Variants in PRKCZ observed in about 807,000 individuals in gnomAD.
PRKCZ encodes protein kinase C zeta type.
A neutral mutation model predicts 79.5 loss-of-function variants in PRKCZ; 33 were observed. That is an observed-to-expected ratio of 0.41 (90% CI 0.31 to 0.55). PRKCZ has a LOEUF of 0.55. Among genes scored for constraint, PRKCZ ranks in the 20% least tolerant of loss-of-function variants. The probability of loss-of-function intolerance (pLI) is 0.19; values close to 1 mark genes in which losing one functional copy is unlikely to be tolerated. For synonymous variants in PRKCZ, 342 were observed against 320.9 expected, an observed-to-expected ratio of 1.07 and a Z score of -0.70; for missense variants, 578 against 813.5, an observed-to-expected ratio of 0.71 and a Z score of 3.52.
chr1:2,085,397 C>T (rs1490880094), intron 4 of PRKCZ, among the ~76,000 whole-genome samples: 1 of 152,262 alleles, frequency 6.6e-6, no homozygotes, highest in East Asian at 1.9e-4. Context: ...TTACTGCTCA[C>T]CTGGGTCCGC....
intron 4 of PRKCZ, among the ~76,000 whole-genome samples, chr1:2,101,081 C>T (rs542064537): frequency 6.0e-5 from 9 of 151,102 alleles, no homozygotes; most frequent in South Asian, 4.2e-4. Flanking sequence ...CCCAAGGGAG[C>T]GTCTCCTCTG....
rs1309203349 is a variant in PRKCZ, at chr1:2,165,129, T to C, written c.975-4389T>C. Among the ~76,000 whole-genome samples the C allele has an allele frequency of 1.3e-5, 2 of 152,240 alleles. No individual in the cohort carries two copies. The highest frequency in any genetic ancestry group is 2.9e-5 in the Non-Finnish European group (2 of 68,034). On this transcript the variant is annotated intron_variant, in intron 10 of 17. Transcript: ENST00000378567. The surrounding 1 kb of genome is among the most constrained non-coding windows in gnomAD (Gnocchi z 4.1). ...CGAGGCCTGCCAGCATCCCCACCAG[T>C]AGATTTCTTTGGACGAAGTAAAATC...
At chr1:2,096,355 G>T (rs541003610) in intron 4 of PRKCZ, among the ~76,000 whole-genome samples, 49 of 152,144 alleles carry the variant, frequency 3.2e-4, no homozygotes, top group African/African-American at 1.2e-3. Context: ...AGGCCCAGCC[G>T]CCAGGCAGCT....
At chr1:2,163,184 C>T (rs180951879) in intron 10 of PRKCZ, among the ~76,000 whole-genome samples, 3 of 152,366 alleles carry the variant, frequency 2.0e-5, no homozygotes, top group Admixed American at 1.3e-4. Flanking sequence ...ACCGGAAGCG[C>T]AGTGCCATCC....
intron 16 of PRKCZ, chr1:2,183,519 G>A (rs749216200): frequency 3.3e-5 from 5 of 152,352 alleles, no homozygotes; most frequent in Non-Finnish European, 7.3e-5. Flanking sequence ...GTGGGTTAGA[G>A]AGTGAGGGAG....
intron 5 of PRKCZ, among the ~76,000 whole-genome samples, chr1:2,137,733 C>T (rs425277): frequency 0.23 from 35,455 of 152,138 alleles, 4,775 homozygotes; most frequent in Admixed American, 0.33. Context: ...TCCATTCTGC[C>T]GATGGCAGGT....
At chr1:2,126,743 C>T (rs1284092850) in intron 4 of PRKCZ, among the ~76,000 whole-genome samples, 3 of 152,218 alleles carry the variant, frequency 2.0e-5, no homozygotes, top group Non-Finnish European at 4.4e-5. Flanking sequence ...TGAGACTGGC[C>T]CAGGCTCGCC....
At chr1:2,077,299 A>G (rs1473137859) in intron 4 of PRKCZ, among the ~76,000 whole-genome samples, 1 of 152,128 alleles carries the variant, frequency 6.6e-6, no homozygotes, top group African/African-American at 2.4e-5. Flanking sequence ...TTCTTTTTGA[A>G]CGTCTCTTCT....
intron 4 of PRKCZ, chr1:2,133,537 C>T (rs1268867349): frequency 4.0e-5 from 6 of 150,448 alleles, no homozygotes; most frequent in African/African-American, 1.2e-4. Context: ...CCACCCCCCC[C>T]AGCTGTGCAT....
chr1:2,184,969 A>G lies in PRKCZ; in HGVS notation c.1739A>G (p.Tyr580Cys), dbSNP rs1687358770. ...CAGTCAGAGTTCGAAGGCTTTGAGT[A>G]TATCAACCCATTATTGCTGTCCACC... ...IDQSEFEGFE[Y>C]INPLLLSTEE... The change falls in exon 18 of 18, where the codon TAT becomes TGT. Residue 580 changes from tyrosine (Y) to cysteine (C), a missense_variant. Physicochemically the swap from Tyr to Cys is radical, Grantham distance 194. Transcript: ENST00000378567. 6.2e-7 allele frequency: 1 copy of G among 1,613,960 alleles called. No homozygotes were observed. The highest frequency in any genetic ancestry group is 8.5e-7 in the Non-Finnish European group (1 of 1,179,992).
rs939252517 is a variant in PRKCZ, at chr1:2,172,531, C to T, written c.1285+143C>T. On this transcript the variant is annotated intron_variant, in intron 13 of 17. Coordinates refer to ENST00000378567, the MANE Select transcript of PRKCZ (RefSeq NM_002744.6). This position sits in a 1 kb window ranked among gnomAD's most constrained non-coding sequence, Gnocchi z 7.8. Reference sequence around the variant, plus strand: ...GTCTTTCCCAGCCGGATGTCATCATCTGGCCTCAGCCCCTTATTTGAATTC... The same window carrying T: ...GTCTTTCCCAGCCGGATGTCATCATTTGGCCTCAGCCCCTTATTTGAATTC... The T allele has an allele frequency of 1.7e-5, 17 of 981,682 alleles. No individual in the cohort carries two copies. The highest frequency in any genetic ancestry group is 2.2e-5 in the Non-Finnish European group (15 of 684,076). 60.8% of individuals were successfully genotyped at this position (981,682 alleles called of 1,614,324 possible).
In PRKCZ at chr1:2,082,339, C is replaced by T. The variant is rs974285286; in HGVS notation, c.334+22748C>T. ...GTTCAAGATGGACTTGGCAAATCACCTCTTTCAAGTTGCCGGCTACCCGGC... is the reference window on the plus strand; with the variant it reads ...GTTCAAGATGGACTTGGCAAATCACTTCTTTCAAGTTGCCGGCTACCCGGC... On this transcript the variant is annotated intron_variant, in intron 4 of 17. Coordinates refer to ENST00000378567, the MANE Select transcript of PRKCZ (RefSeq NM_002744.6). This position sits in a 1 kb window ranked among gnomAD's most constrained non-coding sequence, Gnocchi z 4.4. The T allele has an allele frequency of 3.3e-5, 15 of 455,240 alleles. No individual in the cohort carries two copies. The highest frequency in any genetic ancestry group is 1.2e-4 in the Admixed American group (5 of 42,394). 28.2% of individuals were successfully genotyped at this position (455,240 alleles called of 1,614,324 possible).
chr1:2,058,889 C>T (rs1225856612), intron 3 of PRKCZ, among the ~76,000 whole-genome samples: 1 of 151,878 alleles, frequency 6.6e-6, no homozygotes, highest in Admixed American at 6.6e-5. Flanking sequence ...AGTGAGACTC[C>T]ATCTGAAAAA....
intron 4 of PRKCZ, chr1:2,074,160 G>A: frequency 7.1e-6 from 11 of 1,547,766 alleles, no homozygotes; most frequent in African/African-American, 1.4e-5. Flanking sequence ...CAGGGGAAAC[G>A]CAGTGAGAGG....
intron 4 of PRKCZ, chr1:2,133,848 C>T (rs1222243924): frequency 1.3e-5 from 2 of 152,374 alleles, no homozygotes; most frequent in African/African-American, 4.8e-5. Flanking sequence ...CAGGACCTGC[C>T]GTAGGCTGGT....
At chr1:2,069,247 A>C (rs909856790) in intron 4 of PRKCZ, among the ~76,000 whole-genome samples, 9 of 152,106 alleles carry the variant, frequency 5.9e-5, no homozygotes, top group African/African-American at 2.2e-4. Flanking sequence ...CTCCGGACCC[A>C]GCCCCAGCTG....
rs184303306 is a variant in PRKCZ at position 2,124,400 on chromosome 1, G to T, written c.335-10862G>T. 3.3e-4 allele frequency among the ~76,000 whole-genome samples: 43 copies of T among 132,018 alleles called. 4 individuals are homozygous for T. Among genetic ancestry groups the T allele is most frequent in the African/African-American group, 1.3e-3 (41 of 32,676 alleles). The allele number at this position is 132,018 out of a possible 152,430, so 86.6% of individuals were successfully genotyped here. The stretch of plus-strand genomic sequence containing the variant: ...GGTTAGGGTCACGGCGGTGGTTAGG[G>T]TCACGGTGGTGGTTAGGGTCACAGG... On this transcript the variant is annotated intron_variant, in intron 4 of 17. Transcript: ENST00000378567.
Position 2,082,329 on chromosome 1 carries a change from G to C in PRKCZ, c.334+22738G>C. ...CAGAGCGGCTGTTCAAGATGGACTT[G>C]GCAAATCACCTCTTTCAAGTTGCCG... On this transcript the variant is annotated intron_variant, in intron 4 of 17. Coordinates refer to ENST00000378567, the MANE Select transcript of PRKCZ (RefSeq NM_002744.6). This position sits in a 1 kb window ranked among gnomAD's most constrained non-coding sequence, Gnocchi z 4.4. The C allele has an allele frequency of 2.2e-6, 1 of 454,810 alleles. No homozygotes were observed. Among genetic ancestry groups the C allele is most frequent in the Middle Eastern group, 3.3e-4 (1 of 3,068 alleles). 28.2% of individuals were successfully genotyped at this position (454,810 alleles called of 1,614,324 possible). A position where few individuals can be genotyped will look rare whatever the true frequency, so the allele number is the denominator to read the frequency against.
intron 4 of PRKCZ, among the ~76,000 whole-genome samples, chr1:2,061,832 A>G (rs541705026): frequency 5.7e-4 from 87 of 151,696 alleles, no homozygotes; most frequent in African/African-American, 2.1e-3. Context: ...GCTTTCTTTC[A>G]CTCTGACTGT....
Sources: allele counts gnomAD v4.1 joint callset (sites outside exome capture counted in the v4.1 genomes callset), GRCh38; gene constraint gnomAD v4.1.1; non-coding constraint Gnocchi (gnomAD v3.1); transcripts MANE v1.5; gene names NCBI Gene and HGNC (gene_info 2026-07-23, HGNC 2026-07-21).